The following HYDIN variants were observed in gnomAD, a reference collection of about 807,000 sequenced individuals.
HYDIN encodes the protein HYDIN axonemal central pair apparatus protein.
A neutral mutation model predicts 403.9 loss-of-function variants in HYDIN; 132 were observed. The ratio of observed to expected loss-of-function variants is 0.33; its 90% CI spans 0.28 to 0.38. The LOEUF is 0.38. Ranked by LOEUF, HYDIN falls within the 10% of genes least tolerant of loss-of-function variation. The pLI, the probability that HYDIN is intolerant of heterozygous loss-of-function variation, is 1.00. For missense variants in HYDIN, 2,827 were observed against 5,009.5 expected (o/e 0.56, Z 13.15); for synonymous variants, 1,202 against 1,891.7 (o/e 0.64, Z 9.46).
intron 1 of HYDIN, among the ~76,000 whole-genome samples, chr16:71,210,202 ATGCACACGTATGTTCAC>A (rs1360791152): frequency 6.6e-6 from 1 of 152,214 alleles, no homozygotes; most frequent in African/African-American, 2.4e-5. Context: ...ATAAAGACAC[ATGCACACGTATGTTCAC>A]TGCAGCACTA....
intron 1 of HYDIN, among the ~76,000 whole-genome samples, chr16:71,201,333 A>C (rs1014512465): frequency 1.3e-5 from 2 of 152,128 alleles, no homozygotes; most frequent in African/African-American, 4.8e-5. Context: ...TGATCTGTTC[A>C]TTACATTTTC....
intron 15 of HYDIN, chr16:71,066,975 T>G: frequency 1.5e-6 from 1 of 686,976 alleles, no homozygotes; most frequent in Non-Finnish European, 2.7e-6. Context: ...GCTCTTCACC[T>G]CTTCCTGCTA....
At chr16:71,148,338 T>C in intron 7 of HYDIN, among the ~76,000 whole-genome samples, 1 of 152,156 alleles carries the variant, frequency 6.6e-6, no homozygotes, top group East Asian at 1.9e-4. Context: ...GAGAAAGATA[T>C]TTGCTGTCAT....
chr16:70,904,478 C>CTTTTTT lies in HYDIN; in HGVS notation c.8517-420_8517-415dup, dbSNP rs76148650. Among the ~76,000 whole-genome samples, 18 of 25,218 alleles carry CTTTTTT rather than the reference C, an allele frequency of 7.1e-4. 2 individuals carry two copies. Among genetic ancestry groups the CTTTTTT allele is most frequent in the South Asian group, 2.2e-3 (1 of 462 alleles). The allele number at this position is 25,218 out of a possible 152,430, so 16.5% of individuals were successfully genotyped here. On this transcript the variant is annotated intron_variant, in intron 50 of 85. Transcript: ENST00000393567. The stretch of plus-strand genomic sequence containing the variant: ...CTGAGAGAGATTATCACTTGAGTAA[C>CTTTTTT]TTTTTTTTTTTTTTTTTTTTTTTTT...
intron 9 of HYDIN, among the ~76,000 whole-genome samples, chr16:71,125,478 A>G (rs1284535710): frequency 2.6e-5 from 4 of 152,252 alleles, no homozygotes; most frequent in African/African-American, 9.6e-5. Flanking sequence ...GTCTGATCCT[A>G]AATTGGAGAG....
intron 71 of HYDIN, among the ~76,000 whole-genome samples, chr16:70,859,814 A>G (rs1332008880): frequency 1.3e-5 from 2 of 152,136 alleles, no homozygotes; most frequent in African/African-American, 2.4e-5. Context: ...TGCTGCTTAA[A>G]TGTTCTCAGT....
intron 73 of HYDIN, among the ~76,000 whole-genome samples, chr16:70,853,892 C>CTTT (rs140632293): frequency 1.7e-5 from 2 of 120,950 alleles, no homozygotes; most frequent in Non-Finnish European, 3.3e-5. Context: ...TTCTTTCTTT[C>CTTT]TTTTTTTTTT....
chr16:71,007,104 C>T (rs1361692418), intron 23 of HYDIN, among the ~76,000 whole-genome samples: 1 of 148,238 alleles, frequency 6.7e-6, no homozygotes, highest in Non-Finnish European at 1.5e-5. Context: ...TTATCTAGTG[C>T]TTATTTACTT....
chr16:70,855,295 C>G lies in HYDIN; in HGVS notation c.12296-20G>C, dbSNP rs568900176. 2.8e-5 allele frequency: 41 copies of G among 1,489,230 alleles called. 1 individual carries two copies. In the East Asian group the frequency reaches 8.4e-4, roughly 30 times the overall value. The allele number at this position is 1,489,230 out of a possible 1,614,324, so 92.3% of individuals were successfully genotyped here. On this transcript the variant is annotated intron_variant, in intron 72 of 85. Coordinates refer to ENST00000393567, the MANE Select transcript of HYDIN (RefSeq NM_001270974.2). ...CTCTGCCTGAGGAGGAAACACCAGCCCTTAGTGGGGGCCTCCTGACTGCCT... is the reference window on the plus strand; with the variant it reads ...CTCTGCCTGAGGAGGAAACACCAGCGCTTAGTGGGGGCCTCCTGACTGCCT...
chr16:70,957,421 G>A (rs2078279166), intron 39 of HYDIN, among the ~76,000 whole-genome samples: 2 of 151,532 alleles, frequency 1.3e-5, no homozygotes, highest in South Asian at 4.2e-4. Context: ...CTGCCTCCCG[G>A]GTTCAAATGA....
chr16:70,919,391 G>A (rs1297917816), intron 46 of HYDIN, among the ~76,000 whole-genome samples: 3 of 151,858 alleles, frequency 2.0e-5, no homozygotes, highest in South Asian at 2.1e-4. Context: ...TGGGAAGGGC[G>A]TAGAGCTGAT....
At chr16:71,207,607 A>T (rs1233092601) in intron 1 of HYDIN, among the ~76,000 whole-genome samples, 3 of 152,248 alleles carry the variant, frequency 2.0e-5, no homozygotes, top group Admixed American at 2.0e-4. Context: ...TTGATGCCCC[A>T]GTTAAAAGGC....
At position 70,869,762 on chromosome 16, in the gene HYDIN, T is replaced by C. The variant is rs2039988122; in HGVS notation, c.11092-974A>G. On this transcript the variant is annotated intron_variant, in intron 65 of 85. Transcript: ENST00000393567. ...CGTGAAAATGAACAAATATAGTAAA[T>C]TGGTACTGGTATAGTGAGTGGGCAC... Among the ~76,000 whole-genome samples, 3 of 151,188 alleles carry C rather than the reference T, an allele frequency of 2.0e-5. No individual in the cohort carries two copies. In the South Asian group the frequency reaches 6.4e-4, roughly 32 times the overall value.
chr16:70,962,611 C>T (rs1348283490), intron 37 of HYDIN, among the ~76,000 whole-genome samples: 2 of 151,372 alleles, frequency 1.3e-5, no homozygotes, highest in African/African-American at 4.9e-5. Context: ...ATGACCATTT[C>T]CTGTGTCATT....
chr16:70,967,129 G>C (rs1422467745), intron 36 of HYDIN, among the ~76,000 whole-genome samples: 1 of 152,128 alleles, frequency 6.6e-6, no homozygotes, highest in African/African-American at 2.4e-5. Flanking sequence ...CGGCACTAAG[G>C]TTATTAGACA....
intron 4 of HYDIN, among the ~76,000 whole-genome samples, chr16:71,177,561 G>A (rs1372245112): frequency 6.6e-6 from 1 of 152,160 alleles, no homozygotes; most frequent in Non-Finnish European, 1.5e-5. Flanking sequence ...ACTGATCTCT[G>A]CAAGGCATCG....
intron 45 of HYDIN, among the ~76,000 whole-genome samples, chr16:70,932,601 T>C (rs1487627239): frequency 6.6e-6 from 1 of 152,146 alleles, no homozygotes; most frequent in Non-Finnish European, 1.5e-5. Flanking sequence ...TTTTTTTTTG[T>C]TGGTTTTCGT....
rs925363930 is a variant in HYDIN, at chr16:70,908,652, C to T, written c.8213+1G>A. 1 of 1,572,436 alleles carries T rather than the reference C, an allele frequency of 6.4e-7. No homozygotes were observed. The highest frequency in any genetic ancestry group is 8.7e-7 in the Non-Finnish European group (1 of 1,154,278). On this transcript the variant is annotated splice_donor_variant, in intron 48 of 85. Coordinates refer to ENST00000393567, the MANE Select transcript of HYDIN (RefSeq NM_001270974.2). LOFTEE classifies it high-confidence loss of function. Reference sequence around the variant, plus strand: ...CCTCCCTGGGTTGCTGGAAGGCCCACCTGGTGAATTTCTCCTGGGAGTGCT... The same window carrying T: ...CCTCCCTGGGTTGCTGGAAGGCCCATCTGGTGAATTTCTCCTGGGAGTGCT...
intron 1 of HYDIN, among the ~76,000 whole-genome samples, chr16:71,213,277 T>G (rs2088692854): frequency 3.3e-5 from 5 of 152,100 alleles, no homozygotes; most frequent in Admixed American, 2.6e-4. Flanking sequence ...GTGAAGTGAT[T>G]TAAAATGAAC....
Sources: allele counts gnomAD v4.1 joint callset (sites outside exome capture counted in the v4.1 genomes callset), GRCh38; gene constraint gnomAD v4.1.1; transcripts MANE v1.5; gene names NCBI Gene and HGNC (gene_info 2026-07-23, HGNC 2026-07-21).